Variants in MAGI1 observed in about 807,000 individuals in gnomAD.
MAGI1 encodes membrane-associated guanylate kinase, WW and PDZ domain-containing protein 1.
MAGI1 carries 58 observed loss-of-function variants against 139.9 expected under a neutral mutation model. The observed-to-expected ratio is 0.41, with a 90% CI of 0.34 to 0.52. MAGI1 has a LOEUF of 0.52. Among genes scored for constraint, MAGI1 ranks in the 20% least tolerant of loss-of-function variants. MAGI1 has a pLI of 0.12. For synonymous variants in MAGI1, 812 were observed against 737.9 expected, an observed-to-expected ratio of 1.10 and a Z score of -1.63; for missense variants, 1,874 against 1,901.6, an observed-to-expected ratio of 0.99 and a Z score of 0.27.
intron 18 of MAGI1, among the ~76,000 whole-genome samples, chr3:65,368,337 T>C (rs1200846038): frequency 6.6e-6 from 1 of 152,224 alleles, no homozygotes; most frequent in Non-Finnish European, 1.5e-5. Flanking sequence ...AAACAGTGTT[T>C]ATACCTACTT....
chr3:65,921,520 G>C (rs1280736683), intron 1 of MAGI1, among the ~76,000 whole-genome samples: 1 of 151,922 alleles, frequency 6.6e-6, no homozygotes, highest in Non-Finnish European at 1.5e-5. Flanking sequence ...ATGTTGGCCA[G>C]GCTGGTCTCG....
At chr3:65,571,748 G>A (rs114598277) in intron 2 of MAGI1, among the ~76,000 whole-genome samples, 2,559 of 151,908 alleles carry the variant, frequency 0.017, 71 homozygotes, top group African/African-American at 0.057. Context: ...TGATGAATAC[G>A]TTTTGAGAGA....
intron 2 of MAGI1, among the ~76,000 whole-genome samples, chr3:65,565,856 CAA>C (rs766254957): frequency 1.9e-4 from 18 of 93,896 alleles, no homozygotes; most frequent in Admixed American, 2.4e-4. Flanking sequence ...GACTCCGTGT[CAA>C]AAAAAAAAAA....
chr3:65,738,165 A>C (rs1284771693), intron 1 of MAGI1, among the ~76,000 whole-genome samples: 9 of 152,218 alleles, frequency 5.9e-5, no homozygotes, highest in Admixed American at 5.9e-4. Context: ...GCTCACAGAT[A>C]CTGTGGGTTC....
intron 1 of MAGI1, among the ~76,000 whole-genome samples, chr3:65,901,399 G>A (rs754455809): frequency 6.6e-6 from 1 of 152,208 alleles, no homozygotes; most frequent in Non-Finnish European, 1.5e-5. Flanking sequence ...CTGGAGATAT[G>A]AGCGTTGTTT....
Position 65,847,494 on chromosome 3 carries a change from TCTAA to T in MAGI1, c.313+190498_313+190501del, listed in dbSNP as rs1308402029. On this transcript the variant is annotated intron_variant, in intron 1 of 22. Transcript: ENST00000402939. ...ATCTTTAATTTCATATTCATATAAT[TCTAA>T]CTAACATATTAAACAAATTTTATTT... is the stretch of plus-strand genomic sequence containing the variant. Among the ~76,000 whole-genome samples, 68 of 152,354 alleles carry T rather than the reference TCTAA, an allele frequency of 4.5e-4. 1 individual carries two copies. The highest frequency in any genetic ancestry group is 1.5e-3 in the African/African-American group (61 of 41,582).
At chr3:65,390,519 G>A (rs962971353) in intron 14 of MAGI1, among the ~76,000 whole-genome samples, 5 of 152,052 alleles carry the variant, frequency 3.3e-5, no homozygotes, top group South Asian at 2.1e-4. Context: ...ATAAAAAGAC[G>A]TTAAACATGA....
At chr3:65,462,974 C>A (rs1322986003) in intron 5 of MAGI1, among the ~76,000 whole-genome samples, 1 of 152,144 alleles carries the variant, frequency 6.6e-6, no homozygotes, top group African/African-American at 2.4e-5. Flanking sequence ...GATTTTGTAG[C>A]CTGAAACTTT....
intron 2 of MAGI1, among the ~76,000 whole-genome samples, chr3:65,556,368 C>A (rs1171140717): frequency 6.6e-6 from 1 of 152,166 alleles, no homozygotes; most frequent in Non-Finnish European, 1.5e-5. Context: ...GAAACACCTC[C>A]CTGCTGGTCC....
rs1330133398 is a variant in MAGI1 at position 65,470,503 on chromosome 3, A to C, written c.758-19T>G. 1 of 1,512,298 alleles carries C rather than the reference A, an allele frequency of 6.6e-7. No individual in the cohort carries two copies. The highest frequency in any genetic ancestry group is 2.3e-5 in the East Asian group (1 of 43,472). 93.7% of individuals were successfully genotyped at this position (1,512,298 alleles called of 1,614,324 possible). On this transcript the variant is annotated intron_variant, in intron 4 of 22. Coordinates refer to ENST00000402939, the MANE Select transcript of MAGI1 (RefSeq NM_001033057.2). Reference sequence around the variant, plus strand: ...GAATCGGCTGCTTAATCATGTGAAGAGGTGAGAGAGAGAGAGAGAGAAAAA... The same window carrying C: ...GAATCGGCTGCTTAATCATGTGAAGCGGTGAGAGAGAGAGAGAGAGAAAAA...
intron 1 of MAGI1, among the ~76,000 whole-genome samples, chr3:65,683,911 C>G (rs2087787865): frequency 6.6e-6 from 1 of 150,748 alleles, no homozygotes. Flanking sequence ...ACTCATGTAA[C>G]TGCAGCACTT....
chr3:65,990,181 G>C (rs1188214838), intron 1 of MAGI1, among the ~76,000 whole-genome samples: 1 of 152,116 alleles, frequency 6.6e-6, no homozygotes, highest in South Asian at 2.1e-4. Flanking sequence ...GGGAGGGAAA[G>C]AAAGAGGTAA....
chr3:65,453,449 A>G (rs1264495509), intron 5 of MAGI1, 109 bp from the exon 6 acceptor site: 2 of 784,636 alleles, frequency 2.5e-6, no homozygotes, highest in Non-Finnish European at 2.1e-6. Context: ...TAACTACAAC[A>G]AAGATGCTTT....
At chr3:65,483,596 G>C (rs1168106731) in intron 3 of MAGI1, among the ~76,000 whole-genome samples, 3 of 152,200 alleles carry the variant, frequency 2.0e-5, no homozygotes, top group Non-Finnish European at 4.4e-5. Flanking sequence ...AGGCTGCACA[G>C]TGTCTAGGAG....
At chr3:65,737,548 C>T (rs896892977) in intron 1 of MAGI1, among the ~76,000 whole-genome samples, 4 of 152,142 alleles carry the variant, frequency 2.6e-5, no homozygotes, top group African/African-American at 9.7e-5. Context: ...TAACATTGTT[C>T]CAATACAGGA....
At chr3:65,364,559 ATTTC>A in intron 20 of MAGI1, 102 bp downstream of exon 20, 2 of 949,006 alleles carry the variant, frequency 2.1e-6, no homozygotes, top group Middle Eastern at 3.3e-4. Flanking sequence ...ACAAAAGGTT[ATTTC>A]TTTTAAATTA....
intron 1 of MAGI1, among the ~76,000 whole-genome samples, chr3:65,794,365 T>C (rs1559889017): frequency 6.6e-6 from 1 of 152,146 alleles, no homozygotes; most frequent in African/African-American, 2.4e-5. Context: ...GCTAAGGCAT[T>C]TGGTCCTTCT....
chr3:65,528,722 C>T (rs1373335404), intron 2 of MAGI1, among the ~76,000 whole-genome samples: 1 of 152,068 alleles, frequency 6.6e-6, no homozygotes, highest in Non-Finnish European at 1.5e-5. Context: ...TAAAAACTGG[C>T]CCCTGTACCA....
chr3:65,400,750 A>ATTTTTTTT lies in MAGI1; in HGVS notation c.2199+681_2199+688dup, dbSNP rs767598706. On this transcript the variant is annotated intron_variant, in intron 13 of 22. Coordinates refer to ENST00000402939, the MANE Select transcript of MAGI1 (RefSeq NM_001033057.2). Reference sequence around the variant, plus strand: ...GATTGGAAAGGACAGCAAAACATTGATTTTTTTTTTTTTTTTTTTTTTTTT... The same window carrying ATTTTTTTT: ...GATTGGAAAGGACAGCAAAACATTGATTTTTTTTTTTTTTTTTTTTTTTTTTTTTTTTT... Among the ~76,000 whole-genome samples the ATTTTTTTT allele has an allele frequency of 9.9e-4, 60 of 60,598 alleles. 7 individuals are homozygous for ATTTTTTTT. Among genetic ancestry groups the ATTTTTTTT allele is most frequent in the African/African-American group, 1.3e-3 (20 of 14,904 alleles). 39.8% of individuals were successfully genotyped at this position (60,598 alleles called of 152,430 possible). A position where few individuals can be genotyped will look rare whatever the true frequency, so the allele number is the denominator to read the frequency against.
Sources: allele counts gnomAD v4.1 joint callset (sites outside exome capture counted in the v4.1 genomes callset), GRCh38; gene constraint gnomAD v4.1.1; transcripts MANE v1.5; gene names NCBI Gene and HGNC (gene_info 2026-07-23, HGNC 2026-07-21).